PRKCZ: variants seen among roughly 807,000 people sequenced by gnomAD.
PRKCZ encodes the protein protein kinase C zeta type.
A neutral mutation model predicts 79.5 loss-of-function variants in PRKCZ; 33 were observed. The observed-to-expected ratio is 0.41, with a 90% CI of 0.31 to 0.55. PRKCZ has a LOEUF of 0.55. Among genes scored for constraint, PRKCZ ranks in the 20% least tolerant of loss-of-function variants. PRKCZ has a pLI of 0.19. For synonymous variants in PRKCZ, 342 were observed against 320.9 expected (o/e 1.07, Z -0.70); for missense variants, 578 against 813.5 (o/e 0.71, Z 3.52).
chr1:2,158,884 G>A (rs563186087), intron 10 of PRKCZ, among the ~76,000 whole-genome samples: 8 of 152,182 alleles, frequency 5.3e-5, no homozygotes, highest in African/African-American at 1.2e-4. Flanking sequence ...GGGAGCATTC[G>A]GCATTCACAG....
intron 4 of PRKCZ, among the ~76,000 whole-genome samples, chr1:2,066,724 T>G (rs1324061138): frequency 6.6e-6 from 1 of 152,216 alleles, no homozygotes; most frequent in African/African-American, 2.4e-5. Flanking sequence ...AAAATTCGGT[T>G]GTTAATTTGA....
At chr1:2,143,025 C>CTTTTTTTTT (rs1171233546) in intron 5 of PRKCZ, 1 of 123,262 alleles carries the variant, frequency 8.1e-6, no homozygotes, top group Non-Finnish European at 1.7e-5. Context: ...ATTTCCTCTT[C>CTTTTTTTTT]TTTTTTTTTT....
At chr1:2,067,280 G>C (rs1661202016) in intron 4 of PRKCZ, among the ~76,000 whole-genome samples, 1 of 152,190 alleles carries the variant, frequency 6.6e-6, no homozygotes, top group South Asian at 2.1e-4. Flanking sequence ...AGCTATGCGG[G>C]TTACTGTGTT....
At chr1:2,135,459 G>T (rs750253761) in intron 5 of PRKCZ, 112 bp downstream of exon 5, 3 of 974,766 alleles carry the variant, frequency 3.1e-6, no homozygotes, top group East Asian at 5.4e-5. Flanking sequence ...TCTTTTTGGC[G>T]CCCGAGGGCA....
chr1:2,179,608 G>A (rs770218783), intron 16 of PRKCZ, among the ~76,000 whole-genome samples: 2 of 152,228 alleles, frequency 1.3e-5, no homozygotes, highest in Admixed American at 6.5e-5. Flanking sequence ...GCGGTGCTGC[G>A]CTAACTCATC....
At chr1:2,057,207 C>T (rs900101136) in intron 3 of PRKCZ, among the ~76,000 whole-genome samples, 2 of 152,352 alleles carry the variant, frequency 1.3e-5, no homozygotes, top group Middle Eastern at 3.4e-3. Flanking sequence ...CACAGCTGTC[C>T]TCAGCTTTAA....
intron 4 of PRKCZ, chr1:2,104,746 C>CGCA (rs1018115667): frequency 1.0e-6 from 1 of 985,578 alleles, no homozygotes; most frequent in African/African-American, 1.7e-5. Flanking sequence ...ACAGGCAGGA[C>CGCA]GCAGCGGGCT....
At chr1:2,180,953 A>C (rs1686486896) in intron 16 of PRKCZ, among the ~76,000 whole-genome samples, 1 of 152,190 alleles carries the variant, frequency 6.6e-6, no homozygotes, top group Non-Finnish European at 1.5e-5. Flanking sequence ...TAGTATGGCC[A>C]AAGTGGACCC....
At chr1:2,151,455 C>G (rs1465666507) in intron 9 of PRKCZ, among the ~76,000 whole-genome samples, 1 of 152,214 alleles carries the variant, frequency 6.6e-6, no homozygotes, top group Non-Finnish European at 1.5e-5. Context: ...TGTCATCACC[C>G]TTGTTAGGAA....
intron 4 of PRKCZ, among the ~76,000 whole-genome samples, chr1:2,106,756 T>C: frequency 9.3e-6 from 1 of 106,962 alleles, no homozygotes; most frequent in African/African-American, 5.5e-5. Context: ...AGCAAGCCCC[T>C]CTGGTGGGCG....
chr1:2,166,990 C>G (rs1683464595), intron 10 of PRKCZ, among the ~76,000 whole-genome samples: 1 of 152,246 alleles, frequency 6.6e-6, no homozygotes, highest in Non-Finnish European at 1.5e-5. Flanking sequence ...GGCATCTTGT[C>G]AGCAGCCAGC....
chr1:2,169,674 G>T, intron 11 of PRKCZ, 70 bp downstream of exon 11: 1 of 1,256,412 alleles, frequency 8.0e-7, no homozygotes, highest in Non-Finnish European at 1.1e-6. Context: ...TGCGGTGTTG[G>T]GGGGCTGGGT....
intron 16 of PRKCZ, among the ~76,000 whole-genome samples, chr1:2,176,008 G>A (rs1020907617): frequency 3.3e-5 from 5 of 152,188 alleles, no homozygotes; most frequent in South Asian, 2.1e-4. Flanking sequence ...ACCAGCAGTC[G>A]CAGCGTTCAC....
In PRKCZ at chr1:2,156,011, A is replaced by C; in HGVS notation, c.893A>C (p.Gln298Pro). The change falls in exon 10 of 18, where the codon CAG becomes CCG. Residue 298 changes from glutamine to proline, a missense_variant. Transcript: ENST00000378567. ...CTATTTCAGGATATTGACTGGGTACAGACAGAGAAGCACGTGTTTGAGCAG... is the reference window on the plus strand; with the variant it reads ...CTATTTCAGGATATTGACTGGGTACCGACAGAGAAGCACGTGTTTGAGCAG... ...VHDDEDIDWV[Q>P]TEKHVFEQAS... 1 of 1,613,994 alleles carries C rather than the reference A, an allele frequency of 6.2e-7. No homozygotes were observed. The highest frequency in any genetic ancestry group is 8.5e-7 in the Non-Finnish European group (1 of 1,179,878).
chr1:2,079,717 G>T (rs749662292), intron 4 of PRKCZ, among the ~76,000 whole-genome samples: 1 of 152,206 alleles, frequency 6.6e-6, no homozygotes, highest in South Asian at 2.1e-4. Context: ...TCTCCTTTTG[G>T]TGTTTTCTTT....
chr1:2,053,488 C>CGG (rs771639853), intron 1 of PRKCZ, among the ~76,000 whole-genome samples: 10 of 152,182 alleles, frequency 6.6e-5, no homozygotes, highest in Non-Finnish European at 1.3e-4. Context: ...GAGTCTCTCC[C>CGG]GGGCGGCCCA....
At chr1:2,058,345 T>C (rs1308069843) in intron 3 of PRKCZ, among the ~76,000 whole-genome samples, 1 of 135,632 alleles carries the variant, frequency 7.4e-6, no homozygotes, top group Non-Finnish European at 1.5e-5. Context: ...TCAGACGTGG[T>C]GGTGCACCTG....
chr1:2,088,072 TG>T (rs1664848440), intron 4 of PRKCZ, among the ~76,000 whole-genome samples: 1 of 152,206 alleles, frequency 6.6e-6, no homozygotes, highest in Admixed American at 6.5e-5. Flanking sequence ...GCTGTGTGGG[TG>T]GGGGCCTCGG....
At chr1:2,184,853 G>C (rs548440022) in intron 17 of PRKCZ, 69 bp from the exon 18 acceptor site, 2 of 1,461,040 alleles carry the variant, frequency 1.4e-6, no homozygotes, top group South Asian at 1.2e-5. Flanking sequence ...TTATGCGAAC[G>C]TGACTCCGCT....
Sources: allele counts gnomAD v4.1 joint callset (sites outside exome capture counted in the v4.1 genomes callset), GRCh38; gene constraint gnomAD v4.1.1; transcripts MANE v1.5; gene names NCBI Gene and HGNC (gene_info 2026-07-23, HGNC 2026-07-21).